The following SENP6 variants were observed in gnomAD, a reference collection of about 807,000 sequenced individuals.
SENP6 encodes the protein SUMO specific peptidase 6.
In SENP6, 41 loss-of-function variants were observed where a neutral mutation model predicts 134.5. That is an observed-to-expected ratio of 0.30 (90% CI 0.24 to 0.40). The LOEUF is 0.40. Among genes scored for constraint, SENP6 ranks in the 10% least tolerant of loss-of-function variants. SENP6 has a pLI of 1.00. For missense variants in SENP6, 1,248 were observed against 1,312.5 expected (o/e 0.95, Z 0.76); for synonymous variants, 395 against 429.8 (o/e 0.92, Z 1.00).
chr6:75,690,159 C>G (rs1774137906), intron 16 of SENP6, among the ~76,000 whole-genome samples: 1 of 152,172 alleles, frequency 6.6e-6, no homozygotes, highest in Non-Finnish European at 1.5e-5. Context: ...AGTCCTCCTA[C>G]CTTGGCTTCC....
intron 11 of SENP6, among the ~76,000 whole-genome samples, chr6:75,672,809 CATT>C (rs1772781535): frequency 6.6e-6 from 1 of 151,992 alleles, no homozygotes; most frequent in Admixed American, 6.6e-5. Context: ...ATATAATTGG[CATT>C]ATTATTTTTA....
In SENP6 at chr6:75,663,351, A is replaced by T; in HGVS notation, c.827A>T (p.Tyr276Phe). The change falls in exon 9 of 24, where the codon TAT becomes TTT. Residue 276 changes from tyrosine (Y) to phenylalanine (F), a missense_variant. Around this residue, in one of 3 missense-constraint regions of SENP6, gnomAD observed 733 missense variants for 725.4 expected, o/e 1.01. Coordinates refer to ENST00000447266, the MANE Select transcript of SENP6 (RefSeq NM_015571.4). ...QNTGLTTKKF[Y>F]GNNVEKVPID... Reference sequence around the variant, plus strand: ...ACAGGATTAACAACCAAGAAGTTTTATGGCAACAATGTGGAAAAGGTTCCA... The same window carrying T: ...ACAGGATTAACAACCAAGAAGTTTTTTGGCAACAATGTGGAAAAGGTTCCA... The T allele has an allele frequency of 6.2e-7, 1 of 1,613,862 alleles. No individual in the cohort carries two copies. The highest frequency in any genetic ancestry group is 8.5e-7 in the Non-Finnish European group (1 of 1,179,868).
chr6:75,710,008 C>T (rs2842564), intron 20 of SENP6, among the ~76,000 whole-genome samples: 150,840 of 152,254 alleles, frequency 0.99, 74,718 homozygotes, highest in Middle Eastern at 1. Flanking sequence ...TAATGTAATA[C>T]TGATTAACTC....
intron 1 of SENP6, chr6:75,611,899 C>T (rs910120300): frequency 2.0e-5 from 3 of 152,174 alleles, no homozygotes; most frequent in African/African-American, 4.8e-5. Context: ...ACTAGTGAAG[C>T]TGGGGTGCTA....
Position 75,602,502 on chromosome 6 carries a change from G to A in SENP6, c.-23G>A, listed in dbSNP as rs1766701610. ...GGCGGTGTGGGCCATGGATTAAGAAGGAGGCGGCGTGGGAGGAGGAAGATG... is the reference window on the plus strand; with the variant it reads ...GGCGGTGTGGGCCATGGATTAAGAAAGAGGCGGCGTGGGAGGAGGAAGATG... On this transcript the variant is annotated 5_prime_UTR_variant, in exon 1 of 24. Coordinates refer to ENST00000447266, the MANE Select transcript of SENP6 (RefSeq NM_015571.4). The A allele has an allele frequency of 6.4e-7, 1 of 1,550,980 alleles. No individual in the cohort carries two copies. The highest frequency in any genetic ancestry group is 1.4e-5 in the African/African-American group (1 of 73,046).
chr6:75,633,745 A>C lies in SENP6; in HGVS notation c.353+19A>C, dbSNP rs1582718903. The C allele has an allele frequency of 7.0e-6, 11 of 1,578,892 alleles. No individual in the cohort carries two copies. In the East Asian group the frequency reaches 2.5e-4, roughly 36 times the overall value. On this transcript the variant is annotated intron_variant, in intron 4 of 23. Transcript: ENST00000447266. ...AATTGAGGTATAGGCACTTCACCAC[A>C]CATTCCTACAGAAAAGATAAAGGAA... is the stretch of plus-strand genomic sequence containing the variant.
chr6:75,627,587 G>A (rs1768793744), intron 3 of SENP6, among the ~76,000 whole-genome samples: 1 of 152,068 alleles, frequency 6.6e-6, no homozygotes, highest in African/African-American at 2.4e-5. Context: ...AACAAAATGA[G>A]ACTCTACCAG....
intron 20 of SENP6, 48 bp from the exon 21 acceptor site, chr6:75,711,280 T>C: frequency 7.5e-7 from 1 of 1,334,272 alleles, no homozygotes; most frequent in Non-Finnish European, 1.1e-6. Flanking sequence ...GGTTATTAGT[T>C]ATTTAGATTA....
In SENP6 at chr6:75,670,696, C is replaced by T. The variant is rs1339838983; in HGVS notation, c.1368C>T (p.Phe456=). The T allele has an allele frequency of 6.2e-7, 1 of 1,610,688 alleles. No individual in the cohort carries two copies. Among genetic ancestry groups the T allele is most frequent in the East Asian group, 2.2e-5 (1 of 44,756 alleles). The change falls in exon 11 of 24, where the codon TTC becomes TTT. Residue 456 remains phenylalanine (F), a synonymous_variant. Coordinates refer to ENST00000447266, the MANE Select transcript of SENP6 (RefSeq NM_015571.4). ...NCRSIRVGTL[F]RLLIEPVIFC... ...GAAGTATACGAGTAGGAACACTCTT[C>T]CGGCTGTTAATAGAGCCTGTAATTG... is the stretch of plus-strand genomic sequence containing the variant.
rs117330997 is a variant in SENP6, at chr6:75,678,251, A to G, written c.1849-332A>G. On this transcript the variant is annotated intron_variant, in intron 14 of 23. Transcript: ENST00000447266. ...TATAGATTGCCTAGCCATTGAACTA[A>G]GAGGCAAAAACCACTTTGGTTTTTT... 5.3e-3 allele frequency: 1,113 copies of G among 208,624 alleles called. 6 individuals are homozygous for G. The highest frequency in any genetic ancestry group is 7.1e-3 in the Non-Finnish European group (765 of 107,416). The allele number at this position is 208,624 out of a possible 1,614,324, so 12.9% of individuals were successfully genotyped here. A position where few individuals can be genotyped will look rare whatever the true frequency, so the allele number is the denominator to read the frequency against.
chr6:75,705,173 CTTTG>C (rs1474206254), intron 19 of SENP6, among the ~76,000 whole-genome samples: 4 of 152,346 alleles, frequency 2.6e-5, no homozygotes, highest in Admixed American at 6.5e-5. Context: ...CTGGTCCAAT[CTTTG>C]TTTGTTTAAA....
In SENP6 at chr6:75,716,361, A is replaced by T. The variant is rs150583979; in HGVS notation, c.*767A>T. ...CAAATATCCCGTGTTACCTTTCTCT[A>T]TTACAGCTTAAAGTATGCTACAATC... On this transcript the variant is annotated 3_prime_UTR_variant, in exon 24 of 24. Transcript: ENST00000447266. The T allele has an allele frequency of 2.6e-5, 4 of 152,162 alleles. No individual in the cohort carries two copies. The highest frequency in any genetic ancestry group is 7.2e-5 in the African/African-American group (3 of 41,576). The allele number at this position is 152,162 out of a possible 1,614,324, so 9.4% of individuals were successfully genotyped here.
intron 6 of SENP6, among the ~76,000 whole-genome samples, chr6:75,644,922 T>A (rs1318930225): frequency 6.6e-6 from 1 of 152,226 alleles, no homozygotes; most frequent in Non-Finnish European, 1.5e-5. Flanking sequence ...TCGTAACTTT[T>A]CTGCAAATCT....
Position 75,658,999 on chromosome 6 carries a change from AAG to A in SENP6, c.551-262_551-261del, listed in dbSNP as rs796953151. 5.5e-3 allele frequency among the ~76,000 whole-genome samples: 758 copies of A among 137,956 alleles called. 76 individuals carry two copies. The East Asian group carries it at 0.094, about 17-fold the overall frequency. 90.5% of individuals were successfully genotyped at this position (137,956 alleles called of 152,430 possible). On this transcript the variant is annotated intron_variant, in intron 7 of 23. Transcript: ENST00000447266. ...CAAAAAAAAAAAAAAAAAAAAAAAA[AAG>A]GGGAATTGTGAGTATGTGAGTGGTT...
rs1313462927 is a variant in SENP6, at chr6:75,666,942, GTACTTTTC to G, written c.1224+2_1224+9del. ...AAGAAAAGCAAGAATGAAAGACCAG[GTACTTTTC>G]ACTTTTGTTGACATTTGTTCAGATT... On this transcript the variant is annotated splice_donor_variant and splice_donor_5th_base_variant and intron_variant, in intron 10 of 23. Transcript: ENST00000447266. LOFTEE classifies it high-confidence loss of function. 6.3e-7 allele frequency: 1 copy of G among 1,581,510 alleles called. No individual in the cohort carries two copies. Among genetic ancestry groups the G allele is most frequent in the Non-Finnish European group, 8.7e-7 (1 of 1,155,416 alleles).
intron 7 of SENP6, among the ~76,000 whole-genome samples, chr6:75,652,806 T>C (rs749217842): frequency 2.0e-5 from 3 of 152,084 alleles, no homozygotes; most frequent in Non-Finnish European, 4.4e-5. Context: ...TAGATTATTA[T>C]CATTCTTTTA....
At chr6:75,691,822 C>CT (rs1774295125) in intron 16 of SENP6, among the ~76,000 whole-genome samples, 3 of 152,012 alleles carry the variant, frequency 2.0e-5, no homozygotes. Context: ...TCTCGATCTC[C>CT]TGACCTCGTG....
At chr6:75,603,080 C>T (rs1766759907) in intron 1 of SENP6, among the ~76,000 whole-genome samples, 1 of 152,120 alleles carries the variant, frequency 6.6e-6, no homozygotes, top group South Asian at 2.1e-4. Context: ...TCAGATTAGG[C>T]CTGGCCTTGT....
chr6:75,672,007 C>G (rs530155177), intron 11 of SENP6, among the ~76,000 whole-genome samples: 3 of 152,200 alleles, frequency 2.0e-5, no homozygotes, highest in South Asian at 4.1e-4. Context: ...CCTGGAGATT[C>G]GAAGCAAATT....
Sources: gnomAD v4.1 joint callset for allele counts (sites outside exome capture counted in the v4.1 genomes callset) on GRCh38, gnomAD v4.1.1 for gene constraint, gnomAD v4.1.1 regional missense constraint, MANE v1.5 for transcripts, NCBI Gene and HGNC (gene_info 2026-07-23, HGNC 2026-07-21) for gene names.